The following PAEP variants were observed in gnomAD, a reference collection of about 807,000 sequenced individuals.
PAEP encodes the protein progestagen associated endometrial protein.
PAEP carries 28 observed loss-of-function variants against 23.0 expected under a neutral mutation model. The observed-to-expected ratio is 1.22, with a 90% CI of 0.90 to 1.67. The LOEUF (loss-of-function observed/expected upper bound fraction) is 1.67. Ranked by LOEUF, PAEP falls within the 40% of genes most tolerant of loss-of-function variation. PAEP has a pLI of 0.00. For synonymous variants in PAEP, 103 were observed against 92.4 expected, an observed-to-expected ratio of 1.12 and a Z score of -0.66; for missense variants, 209 against 226.4, an observed-to-expected ratio of 0.92 and a Z score of 0.49.
In PAEP at chr9:135,564,311, G is replaced by A. The variant is rs1314876582; in HGVS notation, c.378G>A (p.Gln126=). 6.4e-7 allele frequency: 1 copy of A among 1,552,312 alleles called. No homozygotes were observed. The highest frequency in any genetic ancestry group is 2.0e-5 in the Admixed American group (1 of 51,052). The change falls in exon 4 of 7, where the codon CAG becomes CAA. Residue 126 remains glutamine (Q), a synonymous_variant. Coordinates refer to ENST00000479141, the MANE Select transcript of PAEP (RefSeq NM_002571.4). ...ACAATTTCCTGTTTCTCTGCCTACA[G>A]GACACCACCACCCCCATCCAGAGCA... ...DYDNFLFLCL[Q]DTTTPIQSMM...
In PAEP at chr9:135,565,549, G is replaced by A. The variant is rs747182758; in HGVS notation, c.526+35G>A. 3.8e-6 allele frequency: 6 copies of A among 1,578,444 alleles called. No homozygotes were observed. In the South Asian group the frequency reaches 5.5e-5, roughly 15 times the overall value. On this transcript the variant is annotated intron_variant, in intron 5 of 6. Transcript: ENST00000479141. Reference sequence around the variant, plus strand: ...GCCTAGGACACGCCCAGCCTCAGCTGGAGGAGAAGCTGCCTCTTTCTTAGC... The same window carrying A: ...GCCTAGGACACGCCCAGCCTCAGCTAGAGGAGAAGCTGCCTCTTTCTTAGC...
At chr9:135,563,102 G>A (rs576946839) in intron 3 of PAEP, among the ~76,000 whole-genome samples, 14 of 152,396 alleles carry the variant, frequency 9.2e-5, no homozygotes, top group African/African-American at 3.1e-4. Context: ...CTAATTCTTG[G>A]CATGACATGA....
At position 135,564,299 on chromosome 9, in the gene PAEP, T is replaced by G; in HGVS notation, c.366T>G (p.Phe122Leu). The change falls in exon 4 of 7, where the codon TTT becomes TTG. Residue 122 changes from phenylalanine to leucine, a missense_variant. Phe to Leu is a conservative substitution (Grantham distance 22, BLOSUM62 0). Coordinates refer to ENST00000479141, the MANE Select transcript of PAEP (RefSeq NM_002571.4). ...LLDTDYDNFL[F>L]LCLQDTTTPI... is the part of the protein sequence containing the mutation. ...ATACTGACTACGACAATTTCCTGTT[T>G]CTCTGCCTACAGGACACCACCACCC... The G allele has an allele frequency of 6.4e-7, 1 of 1,553,264 alleles. No individual in the cohort carries two copies.
chr9:135,563,697 C>A (rs1832443982), intron 3 of PAEP, among the ~76,000 whole-genome samples: 1 of 152,172 alleles, frequency 6.6e-6, no homozygotes, highest in South Asian at 2.1e-4. Context: ...TAACAATTTG[C>A]AACATTTTGT....
In PAEP at chr9:135,564,244, A is replaced by C; in HGVS notation, c.311A>C (p.Tyr104Ser). The stretch of plus-strand genomic sequence containing the variant: ...TTTGGTTCTTCTCTTCTTTCCCCAG[A>C]TACGGTGGCGAACGAGGCCACGCTG... ...TENPKKFKIN[Y>S]TVANEATLLD... Residue 104 changes from tyrosine (Y) to serine (S), a missense_variant and splice_region_variant, in exon 4 of 7, where the codon TAT (tyrosine) becomes TCT (serine). By Grantham distance (144) the Tyr-to-Ser change is moderately radical (BLOSUM62 -2). Transcript: ENST00000479141. 1 of 1,552,372 alleles carries C rather than the reference A, an allele frequency of 6.4e-7. No homozygotes were observed. The highest frequency in any genetic ancestry group is 8.7e-7 in the Non-Finnish European group (1 of 1,147,296).
chr9:135,562,225 C>T (rs771789555), intron 1 of PAEP, 69 bp from the exon 2 acceptor site: 52 of 1,561,476 alleles, frequency 3.3e-5, no homozygotes, highest in Non-Finnish European at 4.4e-5. Flanking sequence ...TAGACTCAGC[C>T]CCGTCTGCAC....
In PAEP at chr9:135,564,224, T is replaced by C; in HGVS notation, c.311-20T>C. On this transcript the variant is annotated intron_variant, in intron 3 of 6. Coordinates refer to ENST00000479141, the MANE Select transcript of PAEP (RefSeq NM_002571.4). ...GACGGAGGCTTCATCTTCCTTTTGG[T>C]TCTTCTCTTCTTTCCCCAGATACGG... 1.9e-6 allele frequency: 3 copies of C among 1,551,812 alleles called. No homozygotes were observed. Among genetic ancestry groups the C allele is most frequent in the Non-Finnish European group, 2.6e-6 (3 of 1,146,954 alleles).
At position 135,561,916 on chromosome 9, in the gene PAEP, G is replaced by A. The variant is rs373567337; in HGVS notation, c.96+19G>A. The A allele has an allele frequency of 6.7e-5, 104 of 1,545,846 alleles. 1 individual carries two copies. The South Asian group carries it at 6.8e-4, about 10-fold the overall frequency. ...CCCAAAGGTTTGAGGCTGGGGGAGC[G>A]GGCACTTTACTGTGGGAGGCCTGGG... On this transcript the variant is annotated intron_variant, in intron 1 of 6. Transcript: ENST00000479141.
chr9:135,564,606 C>T (rs1218392746), intron 4 of PAEP: 6 of 621,460 alleles, frequency 9.7e-6, no homozygotes, highest in Non-Finnish European at 1.2e-5. Flanking sequence ...CAGATTCAAG[C>T]GATTCTCGTG....
At chr9:135,565,324 C>A in intron 4 of PAEP, 86 bp from the exon 5 acceptor site, 1 of 1,117,842 alleles carries the variant, frequency 8.9e-7, no homozygotes, top group African/African-American at 1.5e-5. Context: ...TCCTTCTCTG[C>A]CCTCCCTCCT....
chr9:135,564,185 C>T, intron 3 of PAEP, 59 bp from the exon 4 acceptor site: 1 of 1,545,172 alleles, frequency 6.5e-7, no homozygotes, highest in Non-Finnish European at 8.7e-7. Flanking sequence ...CACACCTGCA[C>T]AGGACTCTGC....
At chr9:135,565,271 C>T (rs1242533012) in intron 4 of PAEP, 139 bp from the exon 5 acceptor site, 1 of 708,466 alleles carries the variant, frequency 1.4e-6, no homozygotes. Context: ...CCCTAGGGAC[C>T]TACTCCAGAC....
intron 5 of PAEP, 30 bp from the exon 6 acceptor site, chr9:135,565,755 A>T: frequency 6.2e-7 from 1 of 1,613,688 alleles, no homozygotes; most frequent in Non-Finnish European, 8.5e-7. Flanking sequence ...TCTCTCGCTG[A>T]CACCTCCACT....
At chr9:135,565,018 T>G (rs57912962) in intron 4 of PAEP, among the ~76,000 whole-genome samples, 2 of 152,272 alleles carry the variant, frequency 1.3e-5, no homozygotes, top group South Asian at 4.1e-4. Flanking sequence ...CCCTTCCCCA[T>G]GTTTCTGAGC....
chr9:135,563,679 A>G (rs1832442901), intron 3 of PAEP, among the ~76,000 whole-genome samples: 1 of 152,124 alleles, frequency 6.6e-6, no homozygotes, highest in Non-Finnish European at 1.5e-5. Flanking sequence ...GGTCCACTGA[A>G]TTCTTCCTAA....
In PAEP at chr9:135,566,712, A is replaced by G. The variant is rs1380158765; in HGVS notation, c.*160A>G. On this transcript the variant is annotated 3_prime_UTR_variant, in exon 7 of 7. Coordinates refer to ENST00000479141, the MANE Select transcript of PAEP (RefSeq NM_002571.4). ...CCTGCTGCACACCTGCACCACGGCC[A>G]TGGGGAGGCTGCTCCCTGGGGGCAG... The G allele has an allele frequency of 6.5e-6, 1 of 154,872 alleles. No individual in the cohort carries two copies. Among genetic ancestry groups the G allele is most frequent in the African/African-American group, 2.4e-5 (1 of 41,510 alleles). The allele number at this position is 154,872 out of a possible 1,614,324, so 9.6% of individuals were successfully genotyped here.
At chr9:135,563,024 G>C in intron 3 of PAEP, 131 bp downstream of exon 3, 1 of 721,680 alleles carries the variant, frequency 1.4e-6, no homozygotes. Flanking sequence ...CAGGGAGTCA[G>C]AGTGTTTACT....
At chr9:135,563,900 T>C (rs783776) in intron 3 of PAEP, among the ~76,000 whole-genome samples, 130,576 of 151,992 alleles carry the variant, frequency 0.86, 57,224 homozygotes, top group Non-Finnish European at 0.97. Context: ...CTTCTCCCTC[T>C]TCCCGCCCCT....
intron 5 of PAEP, 47 bp downstream of exon 5, chr9:135,565,561 G>A: frequency 6.4e-7 from 1 of 1,556,460 alleles, no homozygotes; most frequent in Non-Finnish European, 8.9e-7. Flanking sequence ...AGGAGAAGCT[G>A]CCTCTTTCTT....
Sources: gnomAD v4.1 joint callset for allele counts (sites outside exome capture counted in the v4.1 genomes callset) on GRCh38, gnomAD v4.1.1 for gene constraint, MANE v1.5 for transcripts, NCBI Gene and HGNC (gene_info 2026-07-23, HGNC 2026-07-21) for gene names.